FSHR: variants seen among roughly 807,000 people sequenced by gnomAD.
FSHR encodes follicle-stimulating hormone receptor.
FSHR carries 46 observed loss-of-function variants against 52.1 expected under a neutral mutation model. That is an observed-to-expected ratio of 0.88 (90% CI 0.70 to 1.13). FSHR has a LOEUF of 1.13. FSHR is among the 50% of genes most tolerant of loss of function. The pLI, the probability that FSHR is intolerant of heterozygous loss-of-function variation, is 0.00. For synonymous variants in FSHR, 399 were observed against 309.6 expected (o/e 1.29, Z -3.03); for missense variants, 964 against 834.6 (o/e 1.16, Z -1.91).
chr2:49,023,555 G>A (rs931405696), intron 2 of FSHR, among the ~76,000 whole-genome samples: 6 of 152,256 alleles, frequency 3.9e-5, no homozygotes, highest in African/African-American at 1.4e-4. Context: ...CTAATACAGA[G>A]TATAACATGC....
intron 1 of FSHR, among the ~76,000 whole-genome samples, chr2:49,131,829 C>G (rs1672290693): frequency 6.6e-6 from 1 of 152,154 alleles, no homozygotes; most frequent in South Asian, 2.1e-4. Flanking sequence ...TATGGCTTCT[C>G]TCTTACTACC....
intron 1 of FSHR, among the ~76,000 whole-genome samples, chr2:49,117,957 T>G (rs1277210981): frequency 2.0e-5 from 3 of 152,184 alleles, no homozygotes; most frequent in Admixed American, 2.0e-4. Context: ...ATAAAGGAGC[T>G]CCACAGTTTA....
intron 2 of FSHR, among the ~76,000 whole-genome samples, chr2:49,034,008 T>G (rs575547347): frequency 1.3e-5 from 2 of 152,290 alleles, no homozygotes; most frequent in South Asian, 4.1e-4. Context: ...ATTATTGTAG[T>G]GGCTGAATTG....
intron 4 of FSHR, among the ~76,000 whole-genome samples, chr2:49,011,835 T>G (rs897139940): frequency 1.7e-4 from 26 of 152,022 alleles, no homozygotes; most frequent in African/African-American, 6.3e-4. Flanking sequence ...CCGTGCTACC[T>G]CCAAAAGCAG....
chr2:49,092,963 G>T (rs1176861907), intron 1 of FSHR, among the ~76,000 whole-genome samples: 2 of 152,186 alleles, frequency 1.3e-5, no homozygotes, highest in African/African-American at 2.4e-5. Flanking sequence ...ACCACACCCA[G>T]CTTTGGTTTT....
chr2:48,980,351 G>T (rs1409675569), intron 8 of FSHR, among the ~76,000 whole-genome samples: 1 of 152,198 alleles, frequency 6.6e-6, no homozygotes, highest in Non-Finnish European at 1.5e-5. Context: ...GTGGTAAGAA[G>T]GACAAAACAA....
At chr2:49,005,146 G>A (rs993988275) in intron 4 of FSHR, among the ~76,000 whole-genome samples, 6 of 152,136 alleles carry the variant, frequency 3.9e-5, no homozygotes, top group African/African-American at 1.2e-4. Flanking sequence ...CTGATGGGAA[G>A]GACTTGGGCT....
chr2:49,060,272 G>A (rs1669237295), intron 2 of FSHR, among the ~76,000 whole-genome samples: 1 of 151,952 alleles, frequency 6.6e-6, no homozygotes, highest in Non-Finnish European at 1.5e-5. Context: ...ATGGAAAACA[G>A]TATAAAAAGG....
intron 2 of FSHR, among the ~76,000 whole-genome samples, chr2:49,031,843 A>T (rs144297571): frequency 1.3e-5 from 2 of 152,354 alleles, no homozygotes; most frequent in East Asian, 3.9e-4. Flanking sequence ...TTCTTTATGA[A>T]ATAGTTACAT....
chr2:48,981,038 A>C (rs1009721464), intron 8 of FSHR, among the ~76,000 whole-genome samples: 1 of 152,174 alleles, frequency 6.6e-6, no homozygotes, highest in South Asian at 2.1e-4. Context: ...ACATGCTGCT[A>C]TTGTGGGGAT....
At chr2:49,044,737 G>C (rs1388083784) in intron 2 of FSHR, among the ~76,000 whole-genome samples, 1 of 151,916 alleles carries the variant, frequency 6.6e-6, no homozygotes, top group Non-Finnish European at 1.5e-5. Context: ...GTTTGATCTA[G>C]AAGAAACCTT....
intron 1 of FSHR, among the ~76,000 whole-genome samples, chr2:49,085,324 A>G (rs931929974): frequency 1.3e-4 from 20 of 152,372 alleles, no homozygotes; most frequent in African/African-American, 4.8e-4. Flanking sequence ...TCAATAAATT[A>G]GGTATTGATG....
intron 2 of FSHR, among the ~76,000 whole-genome samples, chr2:49,052,681 C>G (rs1054749677): frequency 3.9e-4 from 59 of 152,148 alleles, no homozygotes; most frequent in Non-Finnish European, 1.8e-4. Context: ...TAACACTGGC[C>G]TTTCATTTTT....
chr2:49,119,381 T>G (rs1346099852), intron 1 of FSHR, among the ~76,000 whole-genome samples: 1 of 143,498 alleles, frequency 7.0e-6, no homozygotes, highest in African/African-American at 2.8e-5. Context: ...ATCATCTTTG[T>G]TTTTTTTTTG....
At chr2:48,974,401 C>T (rs532624439) in intron 8 of FSHR, among the ~76,000 whole-genome samples, 2 of 152,198 alleles carry the variant, frequency 1.3e-5, no homozygotes, top group African/African-American at 2.4e-5. Context: ...CTTCTTATCA[C>T]GGCTACAAGA....
Position 49,020,175 on chromosome 2 carries a change from A to C in FSHR, c.225-15T>G, listed in dbSNP as rs199548127. ...GAGAGATCTCTCTGTGGAGAAAAAA[A>C]TATATAAGTCAAGCCAGTTCAGTTA... On this transcript the variant is annotated splice_polypyrimidine_tract_variant and intron_variant, in intron 2 of 9. Coordinates refer to ENST00000406846, the MANE Select transcript of FSHR (RefSeq NM_000145.4). 6 of 1,604,886 alleles carry C rather than the reference A, an allele frequency of 3.7e-6. No homozygotes were observed. The highest frequency in any genetic ancestry group is 3.3e-5 in the South Asian group (3 of 90,882).
At chr2:49,051,059 T>C (rs1228600931) in intron 2 of FSHR, among the ~76,000 whole-genome samples, 1 of 152,208 alleles carries the variant, frequency 6.6e-6, no homozygotes, top group Non-Finnish European at 1.5e-5. Context: ...GTTTTACATA[T>C]TAGCAGTGTA....
chr2:49,139,589 C>T (rs1157579466), intron 1 of FSHR, among the ~76,000 whole-genome samples: 1 of 142,502 alleles, frequency 7.0e-6, no homozygotes, highest in African/African-American at 2.6e-5. Flanking sequence ...AGATTTTTAA[C>T]TTCCAAGAAT....
intron 2 of FSHR, among the ~76,000 whole-genome samples, chr2:49,021,843 C>T (rs1322449443): frequency 0.079 from 2,519 of 31,854 alleles, 56 homozygotes; most frequent in East Asian, 0.28. Flanking sequence ...CTCTCTCTCT[C>T]TCTCTCTCTC....
Sources: gnomAD v4.1 joint callset for allele counts (sites outside exome capture counted in the v4.1 genomes callset) on GRCh38, gnomAD v4.1.1 for gene constraint, MANE v1.5 for transcripts, NCBI Gene and HGNC (gene_info 2026-07-23, HGNC 2026-07-21) for gene names.